The following ZNG1C variants were observed in gnomAD, a reference collection of about 807,000 sequenced individuals.
ZNG1C encodes the protein zinc-regulated GTPase metalloprotein activator 1C.
At chr9:68,294,150 C>T in the ZNG1C span, among the ~76,000 whole-genome samples, 3 of 147,952 alleles carry the variant, frequency 2.0e-5, no homozygotes, top group Admixed American at 1.4e-4. Flanking sequence ...GTGACACAAC[C>T]TATCAACCTC....
At chr9:68,297,165 C>T in the ZNG1C span, among the ~76,000 whole-genome samples, 1 of 149,512 alleles carries the variant, frequency 6.7e-6, no homozygotes, top group Non-Finnish European at 1.5e-5. Context: ...TCTTCACTCC[C>T]CAGGATTGTT....
At chr9:68,268,726 AG>A in the ZNG1C span, among the ~76,000 whole-genome samples, 2 of 152,192 alleles carry the variant, frequency 1.3e-5, no homozygotes, top group African/African-American at 4.8e-5. Flanking sequence ...TTGATGTATG[AG>A]TGGAATATAT....
At chr9:68,246,248 GAT>G in the ZNG1C span, among the ~76,000 whole-genome samples, 3 of 109,398 alleles carry the variant, frequency 2.7e-5, no homozygotes, top group Admixed American at 3.1e-4. Flanking sequence ...TCTATTAGAC[GAT>G]TTCTTTTAAA....
chr9:68,247,482 A>C, the ZNG1C span: 1 of 1,595,664 alleles, frequency 6.3e-7, no homozygotes, highest in Non-Finnish European at 8.5e-7. Context: ...GGCTGCATGA[A>C]TAAAGTGAAA....
At chr9:68,282,256 A>AT in the ZNG1C span, among the ~76,000 whole-genome samples, 504 of 69,114 alleles carry the variant, frequency 7.3e-3, no homozygotes, top group African/African-American at 0.027. Context: ...TGCCTGACTA[A>AT]TTTTTTTTTT....
chr9:68,269,775 A>G, the ZNG1C span: 9 of 315,356 alleles, frequency 2.9e-5, no homozygotes, highest in Non-Finnish European at 3.2e-5. Context: ...AGACTGCCAT[A>G]AGTATTAGGC....
chr9:68,273,915 C>G, the ZNG1C span: 1 of 129,358 alleles, frequency 7.7e-6, no homozygotes, highest in Non-Finnish European at 1.7e-5. Context: ...TCTCGGCTCA[C>G]TGCAACCTCC....
the ZNG1C span, chr9:68,251,194 A>G: frequency 4.9e-6 from 2 of 406,128 alleles, no homozygotes; most frequent in South Asian, 3.3e-5. Flanking sequence ...TTATTGCTAA[A>G]AAATGCTAAC....
At chr9:68,247,493 G>T in the ZNG1C span, 1 of 1,595,728 alleles carries the variant, frequency 6.3e-7, no homozygotes, top group Non-Finnish European at 8.5e-7. Flanking sequence ...TAAAGTGAAA[G>T]AATATAAGTT....
chr9:68,256,620 T>C, the ZNG1C span, among the ~76,000 whole-genome samples: 2 of 121,644 alleles, frequency 1.6e-5, no homozygotes, highest in African/African-American at 6.3e-5. Context: ...TTTGATAATA[T>C]CTGTTAATTA....
the ZNG1C span, among the ~76,000 whole-genome samples, chr9:68,293,287 G>T: frequency 6.6e-6 from 1 of 152,380 alleles, no homozygotes; most frequent in African/African-American, 2.4e-5. Context: ...AAAAAACAAG[G>T]TATACAGGCA....
chr9:68,247,422 A>T, the ZNG1C span, among the ~76,000 whole-genome samples: 1 of 151,400 alleles, frequency 6.6e-6, no homozygotes, highest in African/African-American at 2.4e-5. Flanking sequence ...GGCTTAAGAC[A>T]TCTTAAATAA....
At chr9:68,267,259 T>C in the ZNG1C span, among the ~76,000 whole-genome samples, 2 of 152,198 alleles carry the variant, frequency 1.3e-5, no homozygotes, top group Admixed American at 1.3e-4. Context: ...GTAAGGCTCA[T>C]TAGGAGATTA....
chr9:68,262,184 A>G, the ZNG1C span, among the ~76,000 whole-genome samples: 2 of 120,954 alleles, frequency 1.7e-5, no homozygotes, highest in South Asian at 2.8e-4. Flanking sequence ...CTATGGGCAT[A>G]GAAGAGGACA....
chr9:68,257,434 A>AG, the ZNG1C span, among the ~76,000 whole-genome samples: 1 of 51,920 alleles, frequency 1.9e-5, no homozygotes, highest in South Asian at 4.5e-4. Context: ...TTCACACTTT[A>AG]GTTTAATGAT....
the ZNG1C span, among the ~76,000 whole-genome samples, chr9:68,275,482 C>T: frequency 1.4e-5 from 2 of 142,074 alleles, no homozygotes; most frequent in African/African-American, 5.2e-5. Context: ...CCCCTCCCCC[C>T]AACCCACAAC....
At chr9:68,256,056 C>A in the ZNG1C span, among the ~76,000 whole-genome samples, 12 of 150,662 alleles carry the variant, frequency 8.0e-5, no homozygotes, top group East Asian at 3.9e-4. Flanking sequence ...AACAGCTGAC[C>A]GGTATTTCAT....
At chr9:68,254,713 T>A in the ZNG1C span, 2 of 148,538 alleles carry the variant, frequency 1.3e-5, no homozygotes, top group Admixed American at 6.8e-5. Flanking sequence ...GCTTTTAGGC[T>A]CTGCTCTCTT....
the ZNG1C span, among the ~76,000 whole-genome samples, chr9:68,296,530 A>G: frequency 6.6e-6 from 1 of 152,292 alleles, no homozygotes; most frequent in South Asian, 2.1e-4. Context: ...AGTTTGGATT[A>G]TAAAATAGTT....
Sources: allele counts gnomAD v4.1 joint callset (sites outside exome capture counted in the v4.1 genomes callset), GRCh38; gene constraint gnomAD v4.1.1; transcripts MANE v1.5; gene names NCBI Gene and HGNC (gene_info 2026-07-23, HGNC 2026-07-21).